SGCD: variants seen among roughly 807,000 people sequenced by gnomAD.
SGCD encodes the protein sarcoglycan delta.
A neutral mutation model predicts 36.6 loss-of-function variants in SGCD; 18 were observed. The observed-to-expected ratio is 0.49, with a 90% CI of 0.34 to 0.73. The LOEUF is 0.73. SGCD is among the 30% of genes least tolerant of loss of function. SGCD has a pLI of 0.01. For synonymous variants in SGCD, 133 were observed against 130.6 expected (o/e 1.02, Z -0.12); for missense variants, 387 against 346.7 (o/e 1.12, Z -0.92).
chr5:156,159,001 T>C (rs969370227), intron 3 of SGCD, among the ~76,000 whole-genome samples: 1 of 151,604 alleles, frequency 6.6e-6, no homozygotes. Flanking sequence ...TTATCATCAT[T>C]GTTTTGAGAA....
intron 3 of SGCD, among the ~76,000 whole-genome samples, chr5:156,185,850 T>TAGAGAGAGAGAGAGAG (rs201378824): frequency 1.0e-4 from 5 of 49,906 alleles, no homozygotes; most frequent in East Asian, 2.8e-4. Flanking sequence ...TATATATATA[T>TAGAGAGAGAGAGAGAG]AGAGAGAGAG....
chr5:155,936,288 G>A (rs1757198178), intron 1 of SGCD, among the ~76,000 whole-genome samples: 1 of 152,240 alleles, frequency 6.6e-6, no homozygotes, highest in African/African-American at 2.4e-5. Context: ...AATGAGGTAT[G>A]TGGACAAGTG....
chr5:155,804,444 C>T, the SGCD span, among the ~76,000 whole-genome samples: 1 of 152,144 alleles, frequency 6.6e-6, no homozygotes, highest in Non-Finnish European at 1.5e-5. Flanking sequence ...TTTTTATGTC[C>T]CCCCATTTCT....
At chr5:155,930,533 C>A (rs1162530575) in intron 1 of SGCD, among the ~76,000 whole-genome samples, 1 of 152,140 alleles carries the variant, frequency 6.6e-6, no homozygotes, top group African/African-American at 2.4e-5. Flanking sequence ...GTCTTTAGAG[C>A]CCTTCCTTCT....
intron 1 of SGCD, among the ~76,000 whole-genome samples, chr5:155,989,350 C>A (rs1349954989): frequency 1.3e-5 from 2 of 152,084 alleles, no homozygotes; most frequent in African/African-American, 2.4e-5. Flanking sequence ...TGAGTTATGA[C>A]ATATTCTTAC....
At chr5:155,765,126 A>G in the SGCD span, among the ~76,000 whole-genome samples, 3 of 151,778 alleles carry the variant, frequency 2.0e-5, no homozygotes, top group Admixed American at 1.3e-4. Flanking sequence ...AAAAAAATTT[A>G]AAGATTAGCA....
chr5:156,608,344 T>C (rs1226568521), intron 6 of SGCD, among the ~76,000 whole-genome samples: 1 of 152,224 alleles, frequency 6.6e-6, no homozygotes, highest in Non-Finnish European at 1.5e-5. Context: ...TTCCATGTAG[T>C]TGAGCGGTTT....
At chr5:156,327,628 G>A (rs1444552743) in intron 1 of SGCD, among the ~76,000 whole-genome samples, 3 of 152,190 alleles carry the variant, frequency 2.0e-5, no homozygotes, top group Non-Finnish European at 4.4e-5. Flanking sequence ...CTTCGCAAGA[G>A]TTTTAATGGG....
At position 156,074,699 on chromosome 5, in the gene SGCD, T is replaced by C. The variant is rs893008120; in HGVS notation, c.-281-43179T>C. On this transcript the variant is annotated intron_variant, in intron 1 of 9. Transcript: ENST00000517913. ...CATCTCAAAAAAAGAAAAAAGAATG[T>C]ATTTATACTTTAAAAGGGGAATTTA... is the stretch of plus-strand genomic sequence containing the variant. Among the ~76,000 whole-genome samples, 6 of 152,170 alleles carry C rather than the reference T, an allele frequency of 3.9e-5. No homozygotes were observed. In the South Asian group the frequency reaches 1.2e-3, roughly 32 times the overall value.
intron 1 of SGCD, among the ~76,000 whole-genome samples, chr5:155,994,909 T>C (rs1214786887): frequency 6.6e-6 from 1 of 152,142 alleles, no homozygotes; most frequent in Non-Finnish European, 1.5e-5. Flanking sequence ...GGTGCCACTC[T>C]CATTCATGGA....
At chr5:156,109,612 C>T (rs1171456378) in intron 1 of SGCD, among the ~76,000 whole-genome samples, 2 of 152,254 alleles carry the variant, frequency 1.3e-5, no homozygotes, top group Admixed American at 6.5e-5. Flanking sequence ...GTACAGTGTT[C>T]TCTCTTCCAA....
chr5:156,033,098 A>C (rs1209121445), intron 1 of SGCD, among the ~76,000 whole-genome samples: 1 of 147,096 alleles, frequency 6.8e-6, no homozygotes, highest in African/African-American at 2.6e-5. Context: ...AATTAAAAAT[A>C]GAATACTTTA....
At chr5:155,948,155 T>C (rs1277416667) in intron 1 of SGCD, among the ~76,000 whole-genome samples, 2 of 152,102 alleles carry the variant, frequency 1.3e-5, no homozygotes, top group African/African-American at 4.8e-5. Context: ...TGCATGCCTG[T>C]AGTCCCAGCT....
intron 3 of SGCD, among the ~76,000 whole-genome samples, chr5:156,358,857 G>A (rs551840254): frequency 1.3e-5 from 2 of 152,198 alleles, no homozygotes; most frequent in South Asian, 2.1e-4. Context: ...AAAATCTGAT[G>A]TTTCCTCTGG....
chr5:156,389,577 G>C (rs1356814443), intron 3 of SGCD, among the ~76,000 whole-genome samples: 1 of 152,104 alleles, frequency 6.6e-6, no homozygotes, highest in Non-Finnish European at 1.5e-5. Context: ...GGGGAGGCTG[G>C]GGGTGGTGCT....
chr5:156,337,236 C>T (rs1580839282), intron 2 of SGCD, among the ~76,000 whole-genome samples: 1 of 152,308 alleles, frequency 6.6e-6, no homozygotes, highest in Non-Finnish European at 1.5e-5. Flanking sequence ...TTGAGGGAAC[C>T]TATGCCTCCT....
intron 4 of SGCD, among the ~76,000 whole-genome samples, chr5:156,584,632 TTC>T (rs1337415612): frequency 3.7e-5 from 1 of 27,104 alleles, no homozygotes; most frequent in Non-Finnish European, 7.3e-5. Context: ...TCCTGCTTCT[TTC>T]TGTCACCTAT....
chr5:156,347,614 C>T (rs1769018674), intron 3 of SGCD, among the ~76,000 whole-genome samples: 1 of 151,964 alleles, frequency 6.6e-6, no homozygotes, highest in Non-Finnish European at 1.5e-5. Flanking sequence ...ACCTTTAGTC[C>T]CCTATTTGAA....
the SGCD span, among the ~76,000 whole-genome samples, chr5:155,764,761 G>A: frequency 1.3e-5 from 2 of 152,104 alleles, no homozygotes; most frequent in African/African-American, 4.8e-5. Flanking sequence ...CATCAGTCAA[G>A]GCCTCTCTGA....
Sources: allele counts gnomAD v4.1 joint callset (sites outside exome capture counted in the v4.1 genomes callset), GRCh38; gene constraint gnomAD v4.1.1; transcripts MANE v1.5; gene names NCBI Gene and HGNC (gene_info 2026-07-23, HGNC 2026-07-21).